DLG2: variants seen among roughly 807,000 people sequenced by gnomAD.
DLG2 encodes discs large MAGUK scaffold protein 2.
DLG2 carries 45 observed loss-of-function variants against 132.5 expected under a neutral mutation model. The ratio of observed to expected loss-of-function variants is 0.34; its 90% CI spans 0.27 to 0.44. The LOEUF is 0.44. Ranked by LOEUF, DLG2 falls within the 20% of genes least tolerant of loss-of-function variation. The pLI is 1.00. For synonymous variants in DLG2, 424 were observed against 419.6 expected (o/e 1.01, Z -0.13); for missense variants, 1,045 against 1,196.9 (o/e 0.87, Z 1.87).
chr11:84,350,174 TCC>T (rs34820095), intron 7 of DLG2, among the ~76,000 whole-genome samples: 1 of 81,970 alleles, frequency 1.2e-5, no homozygotes, highest in East Asian at 3.3e-4. Flanking sequence ...AGAGACTTCG[TCC>T]CCCCCCCCAA....
intron 5 of DLG2, among the ~76,000 whole-genome samples, chr11:85,136,075 T>C (rs967758187): frequency 2.0e-5 from 3 of 152,348 alleles, no homozygotes; most frequent in African/African-American, 7.2e-5. Context: ...CAATATGTTA[T>C]ACCTTTATAC....
intron 4 of DLG2, among the ~76,000 whole-genome samples, chr11:85,225,433 T>C (rs1225855444): frequency 6.6e-6 from 1 of 152,142 alleles, no homozygotes; most frequent in Non-Finnish European, 1.5e-5. Context: ...CCAGCTTCTA[T>C]CTTCAAGGTC....
At chr11:84,867,373 C>G (rs1361528016) in intron 6 of DLG2, among the ~76,000 whole-genome samples, 3 of 152,186 alleles carry the variant, frequency 2.0e-5, no homozygotes, top group African/African-American at 4.8e-5. Context: ...CCATGGTGAA[C>G]AGAGACAGTT....
intron 8 of DLG2, among the ~76,000 whole-genome samples, chr11:84,227,034 C>T (rs2097008416): frequency 6.6e-6 from 1 of 151,758 alleles, no homozygotes; most frequent in Non-Finnish European, 1.5e-5. Flanking sequence ...TGCAGTGAGC[C>T]GAGATCGTGC....
At chr11:84,784,350 A>AATTAATT (rs1565953208) in intron 6 of DLG2, among the ~76,000 whole-genome samples, 2 of 145,362 alleles carry the variant, frequency 1.4e-5, no homozygotes, top group Non-Finnish European at 3.0e-5. Context: ...ATAAATAAAT[A>AATTAATT]AATAAATAAA....
At chr11:84,907,100 T>C (rs1369012108) in intron 6 of DLG2, among the ~76,000 whole-genome samples, 2 of 152,178 alleles carry the variant, frequency 1.3e-5, no homozygotes, top group Non-Finnish European at 2.9e-5. Flanking sequence ...AGATGTGGCA[T>C]TTAAGGCATA....
At chr11:84,084,313 T>C (rs2096943754) in intron 10 of DLG2, among the ~76,000 whole-genome samples, 1 of 152,128 alleles carries the variant, frequency 6.6e-6, no homozygotes, top group African/African-American at 2.4e-5. Flanking sequence ...TTCTAAAAAG[T>C]TTATATTCTA....
chr11:84,318,873 C>T (rs889708753), intron 7 of DLG2, among the ~76,000 whole-genome samples: 1 of 152,016 alleles, frequency 6.6e-6, no homozygotes, highest in Non-Finnish European at 1.5e-5. Flanking sequence ...GCAGTAAATA[C>T]ATACATATGT....
chr11:85,025,131 T>C (rs191324958), intron 6 of DLG2, among the ~76,000 whole-genome samples: 4 of 152,218 alleles, frequency 2.6e-5, no homozygotes, highest in African/African-American at 7.2e-5. Context: ...TATTCTATAA[T>C]TGTAGATAAA....
intron 8 of DLG2, among the ~76,000 whole-genome samples, chr11:84,205,468 G>A (rs969647404): frequency 2.0e-5 from 3 of 151,516 alleles, no homozygotes; most frequent in African/African-American, 7.3e-5. Flanking sequence ...CATCAAGTAA[G>A]ACTACACTGG....
intron 6 of DLG2, among the ~76,000 whole-genome samples, chr11:84,558,761 A>G (rs1302404361): frequency 2.6e-5 from 4 of 152,198 alleles, no homozygotes; most frequent in African/African-American, 9.6e-5. Flanking sequence ...AGATGTGTAT[A>G]ACTCATAGTT....
intron 5 of DLG2, among the ~76,000 whole-genome samples, chr11:85,143,448 C>T (rs1404552461): frequency 3.3e-5 from 5 of 151,500 alleles, no homozygotes; most frequent in East Asian, 3.9e-4. Context: ...CTCAGTCTGG[C>T]TAAAAGTTTG....
At chr11:84,670,437 C>T (rs1034171865) in intron 6 of DLG2, among the ~76,000 whole-genome samples, 1 of 152,050 alleles carries the variant, frequency 6.6e-6, no homozygotes, top group African/African-American at 2.4e-5. Context: ...GTTGCCTCTG[C>T]CCAGGGCTGC....
chr11:85,468,096 G>A (rs966875930), intron 3 of DLG2, among the ~76,000 whole-genome samples: 1 of 152,126 alleles, frequency 6.6e-6, no homozygotes, highest in African/African-American at 2.4e-5. Flanking sequence ...GTTTATTTGT[G>A]TAGAGGTGTT....
At chr11:85,064,983 C>T (rs931629063) in intron 6 of DLG2, among the ~76,000 whole-genome samples, 1 of 151,326 alleles carries the variant, frequency 6.6e-6, no homozygotes, top group Non-Finnish European at 1.5e-5. Context: ...GATATAGGTA[C>T]TTTACATAAA....
intron 6 of DLG2, among the ~76,000 whole-genome samples, chr11:84,656,293 T>C (rs2099688148): frequency 6.6e-6 from 1 of 152,146 alleles, no homozygotes; most frequent in South Asian, 2.1e-4. Flanking sequence ...CCAACATCTG[T>C]TCACTTCTCT....
rs568246877 is a variant in DLG2 at position 85,236,789 on chromosome 11, G to A, written c.186+48431C>T. ...CTAAAATTTTTATTGACTTGCCCAAGTTCACATAGTTATTCAAAAAGTGGA... is the reference window on the plus strand; with the variant it reads ...CTAAAATTTTTATTGACTTGCCCAAATTCACATAGTTATTCAAAAAGTGGA... On this transcript the variant is annotated intron_variant, in intron 4 of 27. Coordinates refer to ENST00000376104, the MANE Select transcript of DLG2 (RefSeq NM_001142699.3). Among the ~76,000 whole-genome samples, 13 of 152,068 alleles carry A rather than the reference G, an allele frequency of 8.5e-5. No individual in the cohort carries two copies. In the South Asian group the frequency reaches 2.7e-3, roughly 32 times the overall value.
intron 6 of DLG2, among the ~76,000 whole-genome samples, chr11:84,712,059 A>G (rs903253785): frequency 6.6e-6 from 1 of 152,116 alleles, no homozygotes; most frequent in South Asian, 2.1e-4. Flanking sequence ...ATTACATGCC[A>G]TAAGAGTCCA....
intron 7 of DLG2, among the ~76,000 whole-genome samples, chr11:84,359,888 G>C (rs960953884): frequency 2.0e-5 from 3 of 151,724 alleles, no homozygotes; most frequent in African/African-American, 7.3e-5. Context: ...TCAGTTCATC[G>C]AACTCTGATA....
Sources: gnomAD v4.1 joint callset for allele counts (sites outside exome capture counted in the v4.1 genomes callset) on GRCh38, gnomAD v4.1.1 for gene constraint, MANE v1.5 for transcripts, NCBI Gene and HGNC (gene_info 2026-07-23, HGNC 2026-07-21) for gene names.